HECW2: variants seen among roughly 807,000 people sequenced by gnomAD.
The protein encoded by HECW2 is E3 ubiquitin-protein ligase HECW2.
A neutral mutation model predicts 175.2 loss-of-function variants in HECW2; 61 were observed. The ratio of observed to expected loss-of-function variants is 0.35; its 90% CI spans 0.28 to 0.43. The LOEUF is 0.43. Ranked by LOEUF, HECW2 falls within the 20% of genes least tolerant of loss-of-function variation. The probability of loss-of-function intolerance (pLI) is 1.00; values close to 1 mark genes in which losing one functional copy is unlikely to be tolerated. For missense variants in HECW2, 1,524 were observed against 2,000.5 expected, an observed-to-expected ratio of 0.76 and a Z score of 4.54; for synonymous variants, 671 against 731.0, an observed-to-expected ratio of 0.92 and a Z score of 1.32.
intron 1 of HECW2, among the ~76,000 whole-genome samples, chr2:196,466,927 T>C (rs1364067017): frequency 6.6e-6 from 1 of 152,202 alleles, no homozygotes; most frequent in East Asian, 1.9e-4. Flanking sequence ...TTCTGATCTT[T>C]AACTTCTTTT....
intron 1 of HECW2, among the ~76,000 whole-genome samples, chr2:196,448,110 G>C (rs1268447932): frequency 6.6e-6 from 1 of 152,132 alleles, no homozygotes; most frequent in African/African-American, 2.4e-5. Context: ...TCCTTCTAAT[G>C]ATCAGGCCAT....
At chr2:196,396,681 TG>T (rs750662295) in intron 2 of HECW2, among the ~76,000 whole-genome samples, 82 of 152,326 alleles carry the variant, frequency 5.4e-4, no homozygotes, top group Non-Finnish European at 9.3e-4. Flanking sequence ...TTAGAGGCTC[TG>T]AAATGTTAAC....
In HECW2 at chr2:196,582,498, A is replaced by G. The variant is rs2125529866; in HGVS notation, c.-36+11010T>C. ...CTGGATTTTATTCCTTTAGGCACCT[A>G]ACCCTTTCTTCAAACACCACTGAGG... On this transcript the variant is annotated intron_variant, in intron 1 of 28. Coordinates refer to ENST00000644978, the MANE Select transcript of HECW2 (RefSeq NM_001348768.2). 2.0e-5 allele frequency among the ~76,000 whole-genome samples: 3 copies of G among 152,320 alleles called. 1 individual carries two copies. The East Asian group carries it at 5.8e-4, about 29-fold the overall frequency.
intron 20 of HECW2, among the ~76,000 whole-genome samples, 190 bp from the exon 21 acceptor site, chr2:196,240,752 TGA>T (rs1295033470): frequency 1.6e-5 from 1 of 64,220 alleles, no homozygotes; most frequent in African/African-American, 4.5e-5. Flanking sequence ...AAAAGTTACA[TGA>T]GAGAATCATT....
At chr2:196,327,541 A>G (rs1692199289) in intron 5 of HECW2, among the ~76,000 whole-genome samples, 1 of 152,254 alleles carries the variant, frequency 6.6e-6, no homozygotes. Flanking sequence ...TAGCCATAAA[A>G]TTCAAGTATT....
chr2:196,196,774 G>GGTGACAGCCAGAC lies in HECW2; in HGVS notation c.*4490_*4502dup, dbSNP rs1201240896. Reference sequence around the variant, plus strand: ...GATCATGCCACTGCACTCCAGCATGGGTGACAGCCAGACCTTATCACAAAT... The same window carrying GGTGACAGCCAGAC: ...GATCATGCCACTGCACTCCAGCATGGGTGACAGCCAGACGTGACAGCCAGACCTTATCACAAAT... On this transcript the variant is annotated 3_prime_UTR_variant, in exon 29 of 29. Transcript: ENST00000644978. 6 of 152,408 alleles carry GGTGACAGCCAGAC rather than the reference G, an allele frequency of 3.9e-5. No individual in the cohort carries two copies. The highest frequency in any genetic ancestry group is 1.5e-4 in the African/African-American group (6 of 41,360). 9.4% of individuals were successfully genotyped at this position (152,408 alleles called of 1,614,324 possible).
intron 17 of HECW2, among the ~76,000 whole-genome samples, chr2:196,259,873 C>T (rs1343109280): frequency 2.0e-5 from 3 of 152,132 alleles, no homozygotes; most frequent in Non-Finnish European, 4.4e-5. Flanking sequence ...TCAGTAACAC[C>T]ATGCTTTGAT....
At chr2:196,318,265 T>C (rs1691777445) in intron 9 of HECW2, among the ~76,000 whole-genome samples, 1 of 152,188 alleles carries the variant, frequency 6.6e-6, no homozygotes, top group South Asian at 2.1e-4. Flanking sequence ...ATGCAAACCA[T>C]GCTGCCTTCT....
intron 1 of HECW2, among the ~76,000 whole-genome samples, chr2:196,437,234 G>A (rs1262674796): frequency 6.6e-6 from 1 of 152,010 alleles, no homozygotes; most frequent in Non-Finnish European, 1.5e-5. Context: ...AACTACCAAG[G>A]AAGAGTACTG....
chr2:196,254,934 T>C (rs978494244), intron 18 of HECW2, among the ~76,000 whole-genome samples: 2 of 151,720 alleles, frequency 1.3e-5, no homozygotes, highest in Non-Finnish European at 2.9e-5. Flanking sequence ...GGTTCTCTTC[T>C]TTTAAAGGCC....
At chr2:196,274,320 G>C (rs973150550) in intron 15 of HECW2, among the ~76,000 whole-genome samples, 197 bp from the exon 16 acceptor site, 6 of 152,216 alleles carry the variant, frequency 3.9e-5, no homozygotes, top group Non-Finnish European at 7.3e-5. Flanking sequence ...GGTGGGGGGA[G>C]TTGAGGCATC....
At chr2:196,564,591 T>C (rs893306619) in intron 1 of HECW2, among the ~76,000 whole-genome samples, 1 of 152,138 alleles carries the variant, frequency 6.6e-6, no homozygotes, top group Non-Finnish European at 1.5e-5. Flanking sequence ...ATCTTATGAG[T>C]GCTGCTTTTT....
chr2:196,362,268 C>T (rs767679787), intron 2 of HECW2: 18 of 865,140 alleles, frequency 2.1e-5, no homozygotes, highest in Non-Finnish European at 2.2e-5. Flanking sequence ...CTCCCCTCAG[C>T]TTCCTTCCTT....
intron 19 of HECW2, among the ~76,000 whole-genome samples, chr2:196,245,706 C>A (rs1410130851): frequency 1.3e-5 from 2 of 152,164 alleles, no homozygotes; most frequent in African/African-American, 4.8e-5. Context: ...TTGTACAAAA[C>A]TGGCTATTGA....
intron 2 of HECW2, among the ~76,000 whole-genome samples, chr2:196,380,572 G>GT (rs1694180511): frequency 6.6e-6 from 1 of 152,154 alleles, no homozygotes; most frequent in African/African-American, 2.4e-5. Context: ...CTGGTGATAG[G>GT]GTTGTTTGCA....
intron 14 of HECW2, 82 bp from the exon 15 acceptor site, chr2:196,278,744 T>G: frequency 6.7e-7 from 1 of 1,486,322 alleles, no homozygotes; most frequent in South Asian, 1.2e-5. Context: ...AGGAAAAGAC[T>G]CACTTCTGAG....
intron 1 of HECW2, among the ~76,000 whole-genome samples, chr2:196,479,021 T>C (rs1312868663): frequency 1.3e-5 from 2 of 152,256 alleles, no homozygotes; most frequent in East Asian, 3.9e-4. Flanking sequence ...TTCAGAACAA[T>C]ACAGTAGAGC....
intron 1 of HECW2, among the ~76,000 whole-genome samples, chr2:196,488,189 C>A (rs1345490237): frequency 6.6e-6 from 1 of 152,172 alleles, no homozygotes; most frequent in Non-Finnish European, 1.5e-5. Flanking sequence ...ATTATGATCC[C>A]ATTTCTCAAA....
chr2:196,338,871 T>A (rs1485137010), intron 3 of HECW2, among the ~76,000 whole-genome samples: 1 of 152,224 alleles, frequency 6.6e-6, no homozygotes, highest in African/African-American at 2.4e-5. Context: ...TTATGATTCT[T>A]ATTCACAGCT....
Sources: allele counts gnomAD v4.1 joint callset (sites outside exome capture counted in the v4.1 genomes callset), GRCh38; gene constraint gnomAD v4.1.1; transcripts MANE v1.5; gene names NCBI Gene and HGNC (gene_info 2026-07-23, HGNC 2026-07-21).